MTFR1: variants seen among roughly 807,000 people sequenced by gnomAD.
MTFR1 encodes the protein mitochondrial fission regulator 1.
In MTFR1, 28 loss-of-function variants were observed where a neutral mutation model predicts 38.8. That is an observed-to-expected ratio of 0.72 (90% CI 0.53 to 0.99). The LOEUF (loss-of-function observed/expected upper bound fraction) is 0.99. Ranked by LOEUF, MTFR1 falls within the 50% of genes least tolerant of loss-of-function variation. The pLI is 0.00. For missense variants in MTFR1, 358 were observed against 395.5 expected (o/e 0.91, Z 0.81); for synonymous variants, 145 against 137.0 (o/e 1.06, Z -0.41).
intron 3 of MTFR1, among the ~76,000 whole-genome samples, chr8:65,743,288 A>G (rs1415100107): frequency 6.6e-6 from 1 of 152,194 alleles, no homozygotes; most frequent in Non-Finnish European, 1.5e-5. Context: ...CACTACCTGT[A>G]TTTTCAAAAA....
In MTFR1 at chr8:65,716,039, G is replaced by A. The variant is rs192774727; in HGVS notation, c.382-3341G>A. ...AAAAAAAAAAAATTAGCTGGGTGGTGTGGTGGCACTCAGGAGGCTGAGGTG... is the reference window on the plus strand; with the variant it reads ...AAAAAAAAAAAATTAGCTGGGTGGTATGGTGGCACTCAGGAGGCTGAGGTG... On this transcript the variant is annotated intron_variant, in intron 2 of 3. Transcript: ENST00000521247. Among the ~76,000 whole-genome samples, 510 of 146,204 alleles carry A rather than the reference G, an allele frequency of 3.5e-3. 3 individuals are homozygous for A. Among genetic ancestry groups the A allele is most frequent in the Middle Eastern group, 7.1e-3 (2 of 282 alleles).
chr8:65,658,422 T>C lies in MTFR1; in HGVS notation c.-80-11451T>C, dbSNP rs1007341324. Reference sequence around the variant, plus strand: ...TAGTCGAGCTACATACTATTATATATTTTCACAGTGTTGGTAGAAGAAAAA... The same window carrying C: ...TAGTCGAGCTACATACTATTATATACTTTCACAGTGTTGGTAGAAGAAAAA... On this transcript the variant is annotated intron_variant, in intron 1 of 7. Transcript: ENST00000262146. Among the ~76,000 whole-genome samples the C allele has an allele frequency of 2.6e-5, 4 of 152,358 alleles. No homozygotes were observed. The South Asian group carries it at 6.2e-4, about 24-fold the overall frequency.
At chr8:65,689,146 AAAAC>A (rs779894106) in intron 3 of MTFR1, among the ~76,000 whole-genome samples, 8 of 152,204 alleles carry the variant, frequency 5.3e-5, no homozygotes, top group African/African-American at 1.2e-4. Flanking sequence ...CTTGGTCTCA[AAAAC>A]AAACAAACAA....
chr8:65,666,459 C>T (rs1232558571), intron 1 of MTFR1, among the ~76,000 whole-genome samples: 1 of 152,152 alleles, frequency 6.6e-6, no homozygotes, highest in East Asian at 1.9e-4. Context: ...TTTCAAACTA[C>T]TCCCTTTTTG....
At chr8:65,772,195 T>A (rs1007618398), downstream of MTFR1, among the ~76,000 whole-genome samples, 6 of 152,156 alleles carry the variant, frequency 3.9e-5, no homozygotes, top group Admixed American at 6.5e-5. Context: ...ATAAGTGGGT[T>A]GAGGAGCTGT....
intron 1 of MTFR1, among the ~76,000 whole-genome samples, chr8:65,662,306 G>C (rs2129049269): frequency 6.6e-6 from 1 of 152,140 alleles, no homozygotes; most frequent in East Asian, 1.9e-4. Context: ...CGCTGTGTTG[G>C]CCGGGCTGGT....
At chr8:65,723,249 C>T in intron 3 of MTFR1, 1 of 182,532 alleles carries the variant, frequency 5.5e-6, no homozygotes, top group South Asian at 1.9e-4. Context: ...AATGGCAGTC[C>T]CAAATGATGC....
chr8:65,747,823 A>AG, intron 3 of MTFR1: 1 of 1,567,174 alleles, frequency 6.4e-7, no homozygotes, highest in African/African-American at 1.4e-5. Flanking sequence ...AAAGAATAAA[A>AG]GGTAAGTATA....
intron 1 of MTFR1, among the ~76,000 whole-genome samples, chr8:65,666,432 A>T (rs559952316): frequency 2.0e-5 from 3 of 152,298 alleles, no homozygotes; most frequent in African/African-American, 7.2e-5. Context: ...CAAAACGCTC[A>T]AAATTTCGAA....
Position 65,670,077 on chromosome 8 carries a change from C to T in MTFR1, c.66+59C>T, listed in dbSNP as rs185705445. ...CATTTAGATATTTTAAGAATTTTTT[C>T]TGAGAAAATGAAATAAATCTATATA... On this transcript the variant is annotated intron_variant, in intron 2 of 7. Transcript: ENST00000262146. 3.5e-5 allele frequency: 50 copies of T among 1,440,962 alleles called. No homozygotes were observed. The African/African-American group carries it at 5.3e-4, about 15-fold the overall frequency. The allele number at this position is 1,440,962 out of a possible 1,614,324, so 89.3% of individuals were successfully genotyped here.
intron 1 of MTFR1, among the ~76,000 whole-genome samples, chr8:65,662,319 C>T (rs1040038290): frequency 6.6e-5 from 10 of 152,048 alleles, no homozygotes; most frequent in African/African-American, 2.4e-4. Flanking sequence ...GGGCTGGTCT[C>T]CAGCTCCTAA....
chr8:65,665,962 G>A (rs975981958), intron 1 of MTFR1, among the ~76,000 whole-genome samples: 9 of 152,156 alleles, frequency 5.9e-5, no homozygotes, highest in Admixed American at 2.0e-4. Context: ...CCTATCTAGA[G>A]ATAACTTGTT....
chr8:65,700,885 T>C (rs1054096371), intron 4 of MTFR1, among the ~76,000 whole-genome samples: 4 of 152,248 alleles, frequency 2.6e-5, no homozygotes, highest in African/African-American at 7.2e-5. Context: ...TGTGAACTGA[T>C]AGCTTTTCTT....
chr8:65,708,118 G>A lies in MTFR1; in HGVS notation c.933+107G>A, dbSNP rs777555124. ...CCTGTGTCATCTGTAAGTTCCAAAG[G>A]GAGGTGATACAGGATTTGGTCCCTG... is the stretch of plus-strand genomic sequence containing the variant. On this transcript the variant is annotated intron_variant, in intron 7 of 7. Coordinates refer to ENST00000262146, the MANE Select transcript of MTFR1 (RefSeq NM_014637.4). The A allele has an allele frequency of 9.4e-6, 15 of 1,600,602 alleles. No homozygotes were observed. In the East Asian group the frequency reaches 2.5e-4, roughly 26 times the overall value.
intron 1 of MTFR1, among the ~76,000 whole-genome samples, chr8:65,653,149 A>C (rs1439554066): frequency 6.6e-6 from 1 of 152,246 alleles, no homozygotes; most frequent in African/African-American, 2.4e-5. Flanking sequence ...ATATCCTGGA[A>C]CAAACTTTGA....
intron 3 of MTFR1, among the ~76,000 whole-genome samples, chr8:65,768,814 A>G (rs1329769561): frequency 6.6e-6 from 1 of 152,192 alleles, no homozygotes; most frequent in African/African-American, 2.4e-5. Context: ...GATAAATATT[A>G]CCTTCTGTGC....
Position 65,707,955 on chromosome 8 carries a change from G to C in MTFR1, c.877G>C (p.Glu293Gln). ...AYRYRSDSQD[E>Q]VEKGIPKSES... ...TCGGTATCGAAGTGATAGCCAAGAT[G>C]AAGTTGAAAAAGGAATTCCAAAGTC... Residue 293 changes from glutamate (E) to glutamine (Q), a missense_variant, in exon 7 of 8, where the codon GAA becomes CAA. Transcript: ENST00000262146. 1 of 1,613,924 alleles carries C rather than the reference G, an allele frequency of 6.2e-7. No individual in the cohort carries two copies. The highest frequency in any genetic ancestry group is 8.5e-7 in the Non-Finnish European group (1 of 1,179,970).
intron 4 of MTFR1, among the ~76,000 whole-genome samples, chr8:65,694,098 A>C (rs1252132995): frequency 7.6e-6 from 1 of 131,786 alleles, no homozygotes; most frequent in Non-Finnish European, 1.6e-5. Context: ...TTTTTTAGAT[A>C]GAGTCTTGTT....
downstream of MTFR1, among the ~76,000 whole-genome samples, chr8:65,711,326 T>C (rs1446234110): frequency 5.3e-5 from 8 of 152,190 alleles, no homozygotes; most frequent in Non-Finnish European, 1.5e-5. Context: ...TGTCTGTCTC[T>C]CTGGTGAAGA....
Sources: gnomAD v4.1 joint callset for allele counts (sites outside exome capture counted in the v4.1 genomes callset) on GRCh38, gnomAD v4.1.1 for gene constraint, MANE v1.5 for transcripts, NCBI Gene and HGNC (gene_info 2026-07-23, HGNC 2026-07-21) for gene names.